EDAR: variants seen among roughly 807,000 people sequenced by gnomAD.
The protein encoded by EDAR is ectodysplasin A receptor, also known as tumor necrosis factor receptor superfamily member EDAR.
Under a neutral mutation model 51.3 loss-of-function variants are expected in EDAR, and 38 were observed. The ratio of observed to expected loss-of-function variants is 0.74; its 90% confidence interval spans 0.57 to 0.97. The LOEUF (loss-of-function observed/expected upper bound fraction) is 0.97. Ranked by LOEUF, EDAR falls within the 50% of genes least tolerant of loss-of-function variation. The probability of loss-of-function intolerance (pLI) is 0.00; values close to 1 mark genes in which losing one functional copy is unlikely to be tolerated. For synonymous variants in EDAR, 227 were observed against 242.1 expected (o/e 0.94, Z 0.58); for missense variants, 528 against 595.0 (o/e 0.89, Z 1.17).
intron 1 of EDAR, among the ~76,000 whole-genome samples, chr2:108,956,430 T>G (rs1259889854): frequency 6.6e-6 from 1 of 152,220 alleles, no homozygotes; most frequent in African/African-American, 2.4e-5. Context: ...CTGATGCCAC[T>G]CAAATCCCTC....
chr2:108,925,327 G>A (rs1043136493), intron 4 of EDAR, among the ~76,000 whole-genome samples: 1 of 152,234 alleles, frequency 6.6e-6, no homozygotes, highest in African/African-American at 2.4e-5. Context: ...AGGCCTCTCT[G>A]CCCATCCTAG....
intron 1 of EDAR, among the ~76,000 whole-genome samples, chr2:108,931,370 T>C (rs1697364154): frequency 1.3e-5 from 2 of 151,994 alleles, no homozygotes; most frequent in Admixed American, 6.6e-5. Context: ...AAGTCTGGAG[T>C]CCTCCAGGCC....
chr2:108,914,025 C>T (rs1003573507), intron 5 of EDAR, among the ~76,000 whole-genome samples: 1 of 151,066 alleles, frequency 6.6e-6, no homozygotes, highest in South Asian at 2.1e-4. Context: ...CTTTGGGAGG[C>T]CAAGGTGGGT....
chr2:108,916,615 A>G (rs1024842450), intron 5 of EDAR, among the ~76,000 whole-genome samples: 2 of 152,214 alleles, frequency 1.3e-5, no homozygotes, highest in Non-Finnish European at 2.9e-5. Flanking sequence ...CAACTGTGCC[A>G]GGCTGCAGGT....
At chr2:108,973,356 G>T (rs1347144909) in intron 1 of EDAR, among the ~76,000 whole-genome samples, 2 of 152,232 alleles carry the variant, frequency 1.3e-5, no homozygotes, top group African/African-American at 4.8e-5. Context: ...GACTCAGGGG[G>T]CTGGCTAGGG....
chr2:108,985,250 G>A (rs889134886), intron 1 of EDAR, among the ~76,000 whole-genome samples: 2 of 152,214 alleles, frequency 1.3e-5, no homozygotes, highest in African/African-American at 4.8e-5. Flanking sequence ...CTTGGCTTCT[G>A]TGCTACACTG....
chr2:108,909,866 T>C (rs1171221045), intron 9 of EDAR, among the ~76,000 whole-genome samples: 3 of 152,244 alleles, frequency 2.0e-5, no homozygotes, highest in Non-Finnish European at 2.9e-5. Context: ...GAGCCTGGAC[T>C]CGGACCCCAG....
intron 1 of EDAR, among the ~76,000 whole-genome samples, chr2:108,968,211 A>C (rs1391774031): frequency 6.6e-6 from 1 of 152,188 alleles, no homozygotes; most frequent in Non-Finnish European, 1.5e-5. Context: ...CAGCTGCATC[A>C]GCATCGCCAG....
rs191592596 is a variant in EDAR, at chr2:108,930,259, G to C, written c.52-17C>G. 6.8e-6 allele frequency: 11 copies of C among 1,613,934 alleles called. No individual in the cohort carries two copies. The highest frequency in any genetic ancestry group is 7.6e-6 in the Non-Finnish European group (9 of 1,180,028). ...CAGAGACACCTGCCAACAAAGGGGG[G>C]TGTTGTGGCCTCCGTACCTCCTTAG... is the stretch of plus-strand genomic sequence containing the variant. On this transcript the variant is annotated splice_polypyrimidine_tract_variant and intron_variant, in intron 2 of 11. Coordinates refer to ENST00000258443, the MANE Select transcript of EDAR (RefSeq NM_022336.4).
intron 1 of EDAR, among the ~76,000 whole-genome samples, chr2:108,974,152 AC>A (rs1302887921): frequency 1.8e-4 from 27 of 151,496 alleles, no homozygotes; most frequent in Admixed American, 1.4e-3. Context: ...ACATGGTGAA[AC>A]CCCGTCTCTA....
At chr2:108,927,211 C>A (rs1178869217) in intron 4 of EDAR, among the ~76,000 whole-genome samples, 2 of 152,240 alleles carry the variant, frequency 1.3e-5, no homozygotes. Flanking sequence ...GGGTCCCTTG[C>A]CTGCCCAGCA....
At chr2:108,957,657 G>A (rs1486478080) in intron 1 of EDAR, among the ~76,000 whole-genome samples, 8 of 152,182 alleles carry the variant, frequency 5.3e-5, no homozygotes, top group Admixed American at 2.0e-4. Context: ...TAATTGATGC[G>A]GCCTTACAAA....
At chr2:108,942,872 A>AT (rs1697634434) in intron 1 of EDAR, among the ~76,000 whole-genome samples, 1 of 152,088 alleles carries the variant, frequency 6.6e-6, no homozygotes, top group African/African-American at 2.4e-5. Context: ...AGCGGGTAGG[A>AT]TTTTTGTTTG....
chr2:108,943,602 G>A (rs181067797), intron 1 of EDAR, among the ~76,000 whole-genome samples: 47 of 152,290 alleles, frequency 3.1e-4, no homozygotes, highest in Admixed American at 2.0e-3. Flanking sequence ...ACGGGCTTGG[G>A]AGGACTCACT....
chr2:108,963,709 G>A lies in EDAR; in HGVS notation c.-19+25251C>T, dbSNP rs141244069. ...GAACCTGAGAGCACTGCAGAATGTTGCGGCCAATTCTGGGCAATTCCCAGG... is the reference window on the plus strand; with the variant it reads ...GAACCTGAGAGCACTGCAGAATGTTACGGCCAATTCTGGGCAATTCCCAGG... On this transcript the variant is annotated intron_variant, in intron 1 of 11. Coordinates refer to ENST00000258443, the MANE Select transcript of EDAR (RefSeq NM_022336.4). Among the ~76,000 whole-genome samples the A allele has an allele frequency of 6.1e-3, 936 of 152,330 alleles. 12 individuals are homozygous for A. The highest frequency in any genetic ancestry group is 0.022 in the African/African-American group (906 of 41,580).
chr2:108,967,479 G>T (rs567501016), intron 1 of EDAR, among the ~76,000 whole-genome samples: 1 of 152,200 alleles, frequency 6.6e-6, no homozygotes, highest in East Asian at 1.9e-4. Context: ...TCGTGTTTAC[G>T]GGTCTCCTAC....
At chr2:108,915,575 C>T (rs578177747) in intron 5 of EDAR, among the ~76,000 whole-genome samples, 99 of 152,326 alleles carry the variant, frequency 6.5e-4, no homozygotes, top group Middle Eastern at 6.8e-3. Context: ...AATTTAGCCT[C>T]TTACTTGGCC....
chr2:108,969,903 G>C lies in EDAR; in HGVS notation c.-19+19057C>G, dbSNP rs534812588. ...ATCACTGAGTTAGAGAAGGCTTCAG[G>C]AGAATCCAGAGTTCAATCTGGGTCA... On this transcript the variant is annotated intron_variant, in intron 1 of 11. Coordinates refer to ENST00000258443, the MANE Select transcript of EDAR (RefSeq NM_022336.4). Among the ~76,000 whole-genome samples the C allele has an allele frequency of 1.0e-3, 159 of 152,328 alleles. 5 individuals carry two copies. The South Asian group carries it at 0.032, about 30-fold the overall frequency.
intron 1 of EDAR, among the ~76,000 whole-genome samples, chr2:108,983,930 C>T (rs1184765859): frequency 2.6e-5 from 4 of 152,182 alleles, no homozygotes; most frequent in East Asian, 1.9e-4. Flanking sequence ...GAGGAGGAAG[C>T]GAGTGCAGCT....
Sources: gnomAD v4.1 joint callset for allele counts (sites outside exome capture counted in the v4.1 genomes callset) on GRCh38, gnomAD v4.1.1 for gene constraint, MANE v1.5 for transcripts, NCBI Gene and HGNC (gene_info 2026-07-23, HGNC 2026-07-21) for gene names.